Variants in BRAF observed in about 807,000 individuals in gnomAD.
BRAF encodes the protein B-Raf proto-oncogene, serine/threonine kinase, also known as serine/threonine-protein kinase B-raf.
BRAF carries 16 observed loss-of-function variants against 104.6 expected under a neutral mutation model. The ratio of observed to expected loss-of-function variants is 0.15; its 90% CI spans 0.10 to 0.23. The LOEUF is 0.23. Among genes scored for constraint, BRAF ranks in the 10% least tolerant of loss-of-function variants. BRAF has a pLI of 1.00. For synonymous variants in BRAF, 310 were observed against 341.6 expected, an observed-to-expected ratio of 0.91 and a Z score of 1.02; for missense variants, 541 against 937.3, an observed-to-expected ratio of 0.58 and a Z score of 5.52.
At chr7:140,736,173 C>A (rs1323889577) in intron 18 of BRAF, among the ~76,000 whole-genome samples, 1 of 146,212 alleles carries the variant, frequency 6.8e-6, no homozygotes, top group Non-Finnish European at 1.5e-5. Context: ...CAGGTTCAAG[C>A]GATTCTCCTG....
intron 1 of BRAF, among the ~76,000 whole-genome samples, chr7:140,921,048 T>A (rs1818168288): frequency 6.6e-6 from 1 of 152,172 alleles, no homozygotes; most frequent in East Asian, 1.9e-4. Flanking sequence ...AATACATTAT[T>A]ATAATTAAAC....
chr7:140,923,082 C>T (rs540381751), intron 1 of BRAF, among the ~76,000 whole-genome samples: 18 of 152,084 alleles, frequency 1.2e-4, no homozygotes, highest in African/African-American at 4.1e-4. Flanking sequence ...GTACAGAACA[C>T]ATTTTGGGCA....
chr7:140,915,730 C>A (rs901512180), intron 1 of BRAF, among the ~76,000 whole-genome samples: 2 of 151,848 alleles, frequency 1.3e-5, no homozygotes, highest in African/African-American at 2.4e-5. Context: ...GCCACCGTGA[C>A]CAGCCTAATT....
At chr7:140,892,736 T>C (rs1814390064) in intron 1 of BRAF, among the ~76,000 whole-genome samples, 1 of 152,182 alleles carries the variant, frequency 6.6e-6, no homozygotes, top group Admixed American at 6.5e-5. Context: ...CTGGTTTAGA[T>C]TTTGTTTTTA....
chr7:140,789,661 A>C (rs1358173672), intron 8 of BRAF, among the ~76,000 whole-genome samples: 2 of 152,260 alleles, frequency 1.3e-5, no homozygotes, highest in Non-Finnish European at 2.9e-5. Context: ...ATAATTTAAG[A>C]ATAATTGCAT....
intron 8 of BRAF, among the ~76,000 whole-genome samples, chr7:140,790,554 A>C (rs1045193133): frequency 6.6e-6 from 1 of 152,248 alleles, no homozygotes; most frequent in Non-Finnish European, 1.5e-5. Flanking sequence ...TACCAGGCAT[A>C]ATAAGCAATT....
At chr7:140,850,618 T>G (rs1178500728) in intron 1 of BRAF, among the ~76,000 whole-genome samples, 1 of 152,196 alleles carries the variant, frequency 6.6e-6, no homozygotes, top group South Asian at 2.1e-4. Flanking sequence ...AAATACTATA[T>G]ATAAAATACT....
At chr7:140,875,082 G>C (rs1279142108) in intron 1 of BRAF, among the ~76,000 whole-genome samples, 1 of 152,108 alleles carries the variant, frequency 6.6e-6, no homozygotes, top group Non-Finnish European at 1.5e-5. Flanking sequence ...CTGAATCTCT[G>C]TTCTTTATAA....
intron 5 of BRAF, among the ~76,000 whole-genome samples, chr7:140,807,628 G>A (rs1005356942): frequency 6.6e-6 from 1 of 152,232 alleles, no homozygotes; most frequent in African/African-American, 2.4e-5. Flanking sequence ...ACAGAAAAAA[G>A]TTTGGAAGAC....
intron 1 of BRAF, among the ~76,000 whole-genome samples, chr7:140,861,448 G>A (rs1020672219): frequency 3.3e-5 from 5 of 152,204 alleles, no homozygotes; most frequent in Admixed American, 1.3e-4. Flanking sequence ...CCAGGAATGC[G>A]GAGTACACAT....
Position 140,720,242 on chromosome 7 carries a change from G to GTGAT in BRAF, c.*6248_*6251dup. On this transcript the variant is annotated 3_prime_UTR_variant, in exon 20 of 20. Coordinates refer to ENST00000644969, the MANE Select transcript of BRAF (RefSeq NM_001374258.1). The stretch of plus-strand genomic sequence containing the variant: ...GAGATTACCACAAATACATATCACT[G>GTGAT]TGATACAGTCCTCAAAAATCAGGCG... 9.4e-7 allele frequency: 1 copy of GTGAT among 1,062,826 alleles called. No homozygotes were observed. The highest frequency in any genetic ancestry group is 1.1e-6 in the Non-Finnish European group (1 of 877,808). 65.8% of individuals were successfully genotyped at this position (1,062,826 alleles called of 1,614,324 possible).
rs1307278898 is a variant in BRAF at position 140,719,929 on chromosome 7, G to T, written c.*6565C>A. The T allele has an allele frequency of 7.5e-6, 8 of 1,062,444 alleles. No individual in the cohort carries two copies. The highest frequency in any genetic ancestry group is 8.0e-6 in the Non-Finnish European group (7 of 877,566). 65.8% of individuals were successfully genotyped at this position (1,062,444 alleles called of 1,614,324 possible). ...GAATGTGTGTGTGAGTCGCCATAAG[G>T]TTTGGAGTGGTGAAACAGGAACCGT... On this transcript the variant is annotated 3_prime_UTR_variant, in exon 20 of 20. Transcript: ENST00000644969.
intron 8 of BRAF, among the ~76,000 whole-genome samples, chr7:140,792,729 CA>C (rs957790679): frequency 1.3e-5 from 2 of 152,196 alleles, no homozygotes; most frequent in African/African-American, 4.8e-5. Context: ...TCCTTGAGGG[CA>C]AAGGCCATGT....
chr7:140,899,441 C>T (rs1322834141), intron 1 of BRAF, among the ~76,000 whole-genome samples: 3 of 152,076 alleles, frequency 2.0e-5, no homozygotes, highest in Admixed American at 2.0e-4. Flanking sequence ...AAGGATTTTT[C>T]CCCCCAATTT....
At chr7:140,777,897 T>A (rs1384738890) in intron 13 of BRAF, 94 bp downstream of exon 12, 2 of 1,207,258 alleles carry the variant, frequency 1.7e-6, no homozygotes, top group Non-Finnish European at 2.4e-6. Context: ...TCATTTTGAG[T>A]AAATCTGTAA....
In BRAF at chr7:140,726,250, T is replaced by C. The variant is rs998249957; in HGVS notation, c.*244A>G. The C allele has an allele frequency of 1.3e-5, 17 of 1,349,204 alleles. No individual in the cohort carries two copies. Among genetic ancestry groups the C allele is most frequent in the Admixed American group, 3.4e-5 (1 of 29,410 alleles). 83.6% of individuals were successfully genotyped at this position (1,349,204 alleles called of 1,614,324 possible). On this transcript the variant is annotated 3_prime_UTR_variant, in exon 20 of 20. Transcript: ENST00000644969. ...GGTCTCTCCTCTTTCTTCCTGGGAC[T>C]GGGCAGACTTGTATGCTCGTGGTAT...
intron 1 of BRAF, among the ~76,000 whole-genome samples, chr7:140,855,429 A>C (rs1455228841): frequency 1.3e-5 from 2 of 152,034 alleles, no homozygotes; most frequent in African/African-American, 4.8e-5. Flanking sequence ...TGACTTTACA[A>C]ATGGCAAAAC....
chr7:140,858,440 A>G (rs1267124051), intron 1 of BRAF, among the ~76,000 whole-genome samples: 1 of 152,232 alleles, frequency 6.6e-6, no homozygotes, highest in Non-Finnish European at 1.5e-5. Context: ...TTGAAAGTCA[A>G]AGCCTTGGCA....
intron 19 of BRAF, chr7:140,734,430 A>G (rs1199499147): frequency 1.2e-5 from 18 of 1,523,940 alleles, no homozygotes; most frequent in Non-Finnish European, 1.6e-5. Context: ...TGTTAAGTAT[A>G]AATTTTAGTT....
Sources: gnomAD v4.1 joint callset for allele counts (sites outside exome capture counted in the v4.1 genomes callset) on GRCh38, gnomAD v4.1.1 for gene constraint, MANE v1.5 for transcripts, NCBI Gene and HGNC (gene_info 2026-07-23, HGNC 2026-07-21) for gene names.